EIF3CL: variants seen among roughly 807,000 people sequenced by gnomAD.
The protein encoded by EIF3CL is eukaryotic translation initiation factor 3 subunit C like.
For missense variants in EIF3CL, 5 were observed against 56.1 expected (o/e 0.09, Z 2.91); for synonymous variants, 2 against 19.6 (o/e 0.10, Z 2.37).
the EIF3CL span, among the ~76,000 whole-genome samples, chr16:28,415,326 G>T: frequency 1.1e-5 from 1 of 88,818 alleles, no homozygotes; most frequent in Non-Finnish European, 2.1e-5. Flanking sequence ...GGTCCGCCAG[G>T]TAGAGGGGAG....
intron 2 of EIF3CL, among the ~76,000 whole-genome samples, chr16:28,403,214 G>A (rs1341338771): frequency 4.0e-4 from 37 of 93,184 alleles, no homozygotes; most frequent in Non-Finnish European, 6.6e-4. Context: ...AGGACTTCTC[G>A]GCGGTAAAAT....
the EIF3CL span, chr16:28,415,102 C>T: frequency 2.1e-5 from 7 of 326,456 alleles, 1 homozygote; most frequent in East Asian, 5.6e-4. Context: ...ATCTCCCCAG[C>T]TCCTGGCTTC....
chr16:28,418,968 T>A, the EIF3CL span, among the ~76,000 whole-genome samples: 1 of 148,052 alleles, frequency 6.8e-6, no homozygotes, highest in Non-Finnish European at 1.5e-5. Context: ...TCTCTGCGAC[T>A]CTCCAGGGAT....
Position 28,391,912 on chromosome 16 carries a change from T to A in EIF3CL, c.940-57A>T. The A allele has an allele frequency of 3.8e-6, 5 of 1,302,658 alleles. 1 individual carries two copies. Among genetic ancestry groups the A allele is most frequent in the Non-Finnish European group, 5.3e-6 (5 of 940,834 alleles). The allele number at this position is 1,302,658 out of a possible 1,614,324, so 80.7% of individuals were successfully genotyped here. On this transcript the variant is annotated intron_variant, in intron 9 of 20. Coordinates refer to ENST00000380876, the MANE Select transcript of EIF3CL (RefSeq NM_001317857.2). ...CCAGCGGGAAACTGTCCTTGCCTTT[T>A]CCCCACAAGGGGACCTTTATGTCCT...
At chr16:28,417,242 G>T in the EIF3CL span, among the ~76,000 whole-genome samples, 1 of 149,496 alleles carries the variant, frequency 6.7e-6, no homozygotes, top group East Asian at 2.0e-4. Context: ...GGAAGTGAGG[G>T]GCGCCTCTGC....
chr16:28,415,640 C>T, the EIF3CL span, among the ~76,000 whole-genome samples: 1 of 123,866 alleles, frequency 8.1e-6, no homozygotes, highest in Non-Finnish European at 1.7e-5. Flanking sequence ...GTCCCAGATA[C>T]TTGGTAGGCT....
At chr16:28,422,597 C>CCGAA in the EIF3CL span, among the ~76,000 whole-genome samples, 1 of 141,554 alleles carries the variant, frequency 7.1e-6, no homozygotes, top group African/African-American at 2.6e-5. Context: ...ATCTGGGAGG[C>CCGAA]CGAAGCAGGT....
chr16:28,405,834 T>C (rs1248464230), upstream of EIF3CL, among the ~76,000 whole-genome samples: 1 of 152,386 alleles, frequency 6.6e-6, no homozygotes, highest in Admixed American at 6.5e-5. Flanking sequence ...TAGCGTTATC[T>C]TCCAGATGTC....
the EIF3CL span, among the ~76,000 whole-genome samples, chr16:28,424,303 G>T: frequency 1.3e-5 from 1 of 78,732 alleles, no homozygotes; most frequent in African/African-American, 5.7e-5. Context: ...ATTTTTTTTT[G>T]AGATGGACTT....
chr16:28,386,728 G>C (rs2045604838), intron 15 of EIF3CL, among the ~76,000 whole-genome samples: 1 of 71,704 alleles, frequency 1.4e-5, no homozygotes, highest in South Asian at 4.0e-4. Flanking sequence ...ACTCCAGCCT[G>C]GGCAACAGAG....
chr16:28,416,676 G>T, the EIF3CL span, among the ~76,000 whole-genome samples: 3 of 113,594 alleles, frequency 2.6e-5, no homozygotes, highest in African/African-American at 9.4e-5. Flanking sequence ...GAAGTGAGGA[G>T]CGTCTCCGCC....
At chr16:28,417,230 C>T in the EIF3CL span, among the ~76,000 whole-genome samples, 4 of 149,068 alleles carry the variant, frequency 2.7e-5, no homozygotes, top group South Asian at 2.1e-4. Flanking sequence ...CCGCCCCATC[C>T]GGGAAGTGAG....
chr16:28,387,368 GGCAGTT>G (rs2045611802), intron 15 of EIF3CL, among the ~76,000 whole-genome samples: 1 of 140,358 alleles, frequency 7.1e-6, no homozygotes, highest in Non-Finnish European at 1.5e-5. Flanking sequence ...CCTGGGAGGT[GGCAGTT>G]GCAGTAAGCC....
chr16:28,416,770 C>T, the EIF3CL span, among the ~76,000 whole-genome samples: 1 of 114,854 alleles, frequency 8.7e-6, no homozygotes, highest in Non-Finnish European at 1.9e-5. Flanking sequence ...GGGTCAGCCC[C>T]CCCACCCGGC....
At chr16:28,385,497 TTCTG>T (rs1255738051) in intron 15 of EIF3CL, among the ~76,000 whole-genome samples, 2 of 108,930 alleles carry the variant, frequency 1.8e-5, no homozygotes, top group East Asian at 5.9e-4. Context: ...CCTGACTAGT[TTCTG>T]TATTTTTTGT....
intron 15 of EIF3CL, among the ~76,000 whole-genome samples, chr16:28,386,805 AC>A (rs1220780972): frequency 1.4e-5 from 1 of 73,656 alleles, no homozygotes; most frequent in South Asian, 4.0e-4. Flanking sequence ...ACACACACAC[AC>A]CCCCTAAAAG....
chr16:28,422,553 C>G, the EIF3CL span, among the ~76,000 whole-genome samples: 1 of 138,884 alleles, frequency 7.2e-6, no homozygotes, highest in Non-Finnish European at 1.6e-5. Context: ...AAATTTCAGG[C>G]TGGGTGCAGT....
the EIF3CL span, among the ~76,000 whole-genome samples, chr16:28,416,754 TG>T: frequency 1.8e-3 from 121 of 67,708 alleles, no homozygotes; most frequent in South Asian, 2.1e-3. Flanking sequence ...GGGAGGGAGG[TG>T]GGGGGGGTCA....
chr16:28,418,905 C>G, the EIF3CL span, among the ~76,000 whole-genome samples: 12 of 146,026 alleles, frequency 8.2e-5, no homozygotes, highest in Non-Finnish European at 1.5e-4. Flanking sequence ...GCTAGGATTA[C>G]AGGCCTGAGC....
Sources: allele counts gnomAD v4.1 joint callset (sites outside exome capture counted in the v4.1 genomes callset), GRCh38; gene constraint gnomAD v4.1.1; transcripts MANE v1.5; gene names NCBI Gene and HGNC (gene_info 2026-07-23, HGNC 2026-07-21).